Variants in ABTB3 observed in about 807,000 individuals in gnomAD.
ABTB3 encodes the protein ankyrin repeat and BTB domain containing 3.
the ABTB3 span, among the ~76,000 whole-genome samples, chr12:107,324,740 C>CAA: frequency 1.3e-5 from 2 of 148,998 alleles, no homozygotes; most frequent in African/African-American, 2.5e-5. Context: ...AAAGACACAC[C>CAA]AAAAAAAAAG....
chr12:107,561,389 C>T, the ABTB3 span, among the ~76,000 whole-genome samples: 104 of 152,286 alleles, frequency 6.8e-4, no homozygotes, highest in African/African-American at 2.5e-3. Context: ...TCCCACAAGG[C>T]ACTTTTCATG....
chr12:107,630,222 A>G, the ABTB3 span, among the ~76,000 whole-genome samples: 1 of 152,214 alleles, frequency 6.6e-6, no homozygotes, highest in African/African-American at 2.4e-5. Context: ...TCCTCTGCAC[A>G]ATGTCCAGCT....
chr12:107,543,358 A>G, the ABTB3 span, among the ~76,000 whole-genome samples: 32 of 141,996 alleles, frequency 2.3e-4, 1 homozygote, highest in African/African-American at 7.7e-4. Flanking sequence ...AAAAAAAAAA[A>G]GGAAAAAAAA....
chr12:107,375,680 G>C, the ABTB3 span, among the ~76,000 whole-genome samples: 15 of 152,226 alleles, frequency 9.9e-5, no homozygotes, highest in Middle Eastern at 3.4e-3. Context: ...TTACCTGCTG[G>C]AGGCCAGACC....
At chr12:107,452,542 G>A in the ABTB3 span, among the ~76,000 whole-genome samples, 9 of 152,114 alleles carry the variant, frequency 5.9e-5, no homozygotes, top group Admixed American at 5.9e-4. Flanking sequence ...GCCACGGAGG[G>A]GAGAGTCTTA....
the ABTB3 span, among the ~76,000 whole-genome samples, chr12:107,351,578 A>G: frequency 6.6e-6 from 1 of 152,168 alleles, no homozygotes; most frequent in East Asian, 1.9e-4. Context: ...CTCTGCTCTC[A>G]TGAATGGATT....
At chr12:107,540,167 G>A in the ABTB3 span, among the ~76,000 whole-genome samples, 2 of 152,134 alleles carry the variant, frequency 1.3e-5, no homozygotes, top group African/African-American at 4.8e-5. Context: ...TCTGGAGGCT[G>A]GGAAGTTCAA....
At chr12:107,646,187 A>G in the ABTB3 span, among the ~76,000 whole-genome samples, 1 of 152,248 alleles carries the variant, frequency 6.6e-6, no homozygotes, top group African/African-American at 2.4e-5. Flanking sequence ...GCAGCTGCCA[A>G]GAAAAACAAC....
the ABTB3 span, among the ~76,000 whole-genome samples, chr12:107,422,199 C>G: frequency 3.3e-5 from 5 of 151,988 alleles, no homozygotes; most frequent in Non-Finnish European, 7.4e-5. Context: ...GAGGAAGGAA[C>G]AAGCGTGAAG....
At chr12:107,493,314 A>G in the ABTB3 span, among the ~76,000 whole-genome samples, 4 of 152,114 alleles carry the variant, frequency 2.6e-5, no homozygotes, top group African/African-American at 9.7e-5. Context: ...GACAGCCTTG[A>G]TGTGCAATGT....
chr12:107,468,980 G>A, the ABTB3 span, among the ~76,000 whole-genome samples: 2 of 152,118 alleles, frequency 1.3e-5, no homozygotes, highest in East Asian at 3.9e-4. Flanking sequence ...TCAGAGGTTC[G>A]ATAAATAACA....
chr12:107,342,135 A>T, the ABTB3 span, among the ~76,000 whole-genome samples: 1 of 152,270 alleles, frequency 6.6e-6, no homozygotes, highest in African/African-American at 2.4e-5. Flanking sequence ...CTTCTTGGTG[A>T]CAGTTCCCTT....
chr12:107,487,268 T>C, the ABTB3 span, among the ~76,000 whole-genome samples: 17 of 152,168 alleles, frequency 1.1e-4, no homozygotes, highest in Non-Finnish European at 2.1e-4. Context: ...TCAAAGAAGT[T>C]GGGCTCAGCA....
the ABTB3 span, among the ~76,000 whole-genome samples, chr12:107,375,331 TCA>T: frequency 6.6e-6 from 1 of 152,034 alleles, no homozygotes; most frequent in Non-Finnish European, 1.5e-5. Context: ...GGTGGAAGGA[TCA>T]CCTTAGCCCG....
chr12:107,618,450 C>G, the ABTB3 span: 11 of 1,251,436 alleles, frequency 8.8e-6, no homozygotes, highest in Non-Finnish European at 1.2e-5. Flanking sequence ...CATGAACACG[C>G]ACATGCGCGC....
the ABTB3 span, among the ~76,000 whole-genome samples, chr12:107,455,966 A>C: frequency 6.6e-6 from 1 of 152,198 alleles, no homozygotes; most frequent in Non-Finnish European, 1.5e-5. Flanking sequence ...CATCCACTGC[A>C]CTGTCTTGGC....
chr12:107,352,346 G>A, the ABTB3 span, among the ~76,000 whole-genome samples: 4 of 152,172 alleles, frequency 2.6e-5, no homozygotes, highest in African/African-American at 9.7e-5. Flanking sequence ...ATTGAGCGCT[G>A]TGCCAACTGT....
At chr12:107,354,165 C>A in the ABTB3 span, among the ~76,000 whole-genome samples, 1 of 152,134 alleles carries the variant, frequency 6.6e-6, no homozygotes, top group Non-Finnish European at 1.5e-5. Context: ...GAGAGCTAAA[C>A]CCTCTTACAT....
chr12:107,471,384 T>C, the ABTB3 span, among the ~76,000 whole-genome samples: 1 of 152,242 alleles, frequency 6.6e-6, no homozygotes, highest in Non-Finnish European at 1.5e-5. Context: ...AGAAGTTGGC[T>C]TTTCATCTTC....
Sources: gnomAD v4.1 joint callset for allele counts (sites outside exome capture counted in the v4.1 genomes callset) on GRCh38, gnomAD v4.1.1 for gene constraint, MANE v1.5 for transcripts, NCBI Gene and HGNC (gene_info 2026-07-23, HGNC 2026-07-21) for gene names.